Variants in RNF180 observed in about 807,000 individuals in gnomAD.
The protein encoded by RNF180 is E3 ubiquitin-protein ligase RNF180.
A neutral mutation model predicts 59.2 loss-of-function variants in RNF180; 38 were observed. That is an observed-to-expected ratio of 0.64 (90% CI 0.50 to 0.84). The LOEUF (loss-of-function observed/expected upper bound fraction) is 0.84. Among genes scored for constraint, RNF180 ranks in the 40% least tolerant of loss-of-function variants. The pLI is 0.00. For missense variants in RNF180, 705 were observed against 700.9 expected, an observed-to-expected ratio of 1.01 and a Z score of -0.07; for synonymous variants, 262 against 240.3, an observed-to-expected ratio of 1.09 and a Z score of -0.84.
intron 7 of RNF180, among the ~76,000 whole-genome samples, chr5:64,349,685 G>C (rs1280889317): frequency 2.6e-5 from 4 of 152,066 alleles, no homozygotes; most frequent in African/African-American, 9.7e-5. Context: ...AGAACATGCG[G>C]TGTTTGGTTT....
intron 6 of RNF180, 107 bp from the exon 7 acceptor site, chr5:64,330,174 G>A (rs1744837251): frequency 2.6e-6 from 2 of 771,942 alleles, no homozygotes; most frequent in South Asian, 1.8e-5. Flanking sequence ...TTAAAGAGGT[G>A]TGAATTGTAT....
chr5:64,313,544 A>T (rs1203084337), intron 5 of RNF180, among the ~76,000 whole-genome samples: 2 of 152,248 alleles, frequency 1.3e-5, no homozygotes, highest in Non-Finnish European at 2.9e-5. Flanking sequence ...TCCTTTATCC[A>T]GTCTACTATT....
intron 5 of RNF180, among the ~76,000 whole-genome samples, chr5:64,252,629 C>A (rs1273637754): frequency 2.0e-5 from 3 of 152,052 alleles, no homozygotes; most frequent in Non-Finnish European, 4.4e-5. Flanking sequence ...TCAGTTCCAG[C>A]TGTTAAGTAT....
At chr5:64,204,444 C>T (rs1751917223) in intron 2 of RNF180, among the ~76,000 whole-genome samples, 1 of 152,308 alleles carries the variant, frequency 6.6e-6, no homozygotes, top group East Asian at 1.9e-4. Context: ...TGTAATTTCA[C>T]GTCTTCACCA....
chr5:64,245,601 A>C (rs189524178), intron 5 of RNF180, among the ~76,000 whole-genome samples: 87 of 152,354 alleles, frequency 5.7e-4, no homozygotes, highest in Admixed American at 4.2e-3. Flanking sequence ...ATATGGGAGC[A>C]CCAAGATTCA....
chr5:64,263,966 G>C (rs1744510548), intron 5 of RNF180, among the ~76,000 whole-genome samples: 1 of 152,054 alleles, frequency 6.6e-6, no homozygotes, highest in Non-Finnish European at 1.5e-5. Context: ...TTCAAATTTA[G>C]TTTATTCATT....
intron 5 of RNF180, among the ~76,000 whole-genome samples, chr5:64,248,468 G>T (rs1743335430): frequency 6.6e-6 from 1 of 152,190 alleles, no homozygotes; most frequent in South Asian, 2.1e-4. Flanking sequence ...CTTCTCAAAA[G>T]AAGACAACAA....
intron 5 of RNF180, among the ~76,000 whole-genome samples, chr5:64,311,786 G>GT (rs979114157): frequency 6.6e-6 from 1 of 151,806 alleles, no homozygotes; most frequent in African/African-American, 2.4e-5. Flanking sequence ...AAAATTCACC[G>GT]TTCCCCCATT....
intron 5 of RNF180, among the ~76,000 whole-genome samples, chr5:64,288,349 GTTC>G (rs1742398196): frequency 6.6e-6 from 1 of 152,110 alleles, no homozygotes; most frequent in Admixed American, 6.6e-5. Context: ...CTCCAGCTTT[GTTC>G]TTTTTGCTTA....
chr5:64,169,119 G>C (rs1342667656), intron 1 of RNF180, among the ~76,000 whole-genome samples: 1 of 152,150 alleles, frequency 6.6e-6, no homozygotes, highest in East Asian at 1.9e-4. Flanking sequence ...AACTAGTTTG[G>C]TCTTTGAACT....
intron 5 of RNF180, among the ~76,000 whole-genome samples, chr5:64,280,911 T>C (rs534568340): frequency 1.5e-4 from 23 of 152,286 alleles, no homozygotes; most frequent in African/African-American, 5.3e-4. Context: ...TTTAATAACA[T>C]TGATTCTTTG....
chr5:64,224,549 C>T (rs375276267), intron 5 of RNF180, among the ~76,000 whole-genome samples: 1 of 152,060 alleles, frequency 6.6e-6, no homozygotes, highest in Non-Finnish European at 1.5e-5. Context: ...ATTTAATGAG[C>T]TTTATTGTAT....
chr5:64,178,950 T>C (rs1240769643), intron 1 of RNF180, among the ~76,000 whole-genome samples: 1 of 151,924 alleles, frequency 6.6e-6, no homozygotes, highest in African/African-American at 2.4e-5. Flanking sequence ...TCTATTCTTT[T>C]AAAAAAAACC....
intron 5 of RNF180, among the ~76,000 whole-genome samples, chr5:64,304,658 G>A (rs1200270711): frequency 6.6e-6 from 1 of 151,652 alleles, no homozygotes; most frequent in African/African-American, 2.4e-5. Flanking sequence ...TTATGGATAA[G>A]CAATGAAAGT....
chr5:64,345,098 T>C (rs1013110332), intron 7 of RNF180, among the ~76,000 whole-genome samples: 2 of 152,144 alleles, frequency 1.3e-5, no homozygotes, highest in Non-Finnish European at 1.5e-5. Context: ...AACTTAAAAA[T>C]GTATAGCCCC....
intron 6 of RNF180, among the ~76,000 whole-genome samples, chr5:64,330,055 T>A (rs1000756062): frequency 1.3e-5 from 2 of 152,186 alleles, no homozygotes; most frequent in African/African-American, 4.8e-5. Context: ...CTCAGTAGAT[T>A]TATGTTCTAT....
chr5:64,262,199 G>C (rs1744380779), intron 5 of RNF180, among the ~76,000 whole-genome samples: 1 of 151,938 alleles, frequency 6.6e-6, no homozygotes, highest in Admixed American at 6.6e-5. Flanking sequence ...AAGATTAAAG[G>C]GGTAAATAAT....
chr5:64,330,439 G>C (rs1297295991), intron 7 of RNF180, 33 bp downstream of exon 7: 1 of 1,522,234 alleles, frequency 6.6e-7, no homozygotes, highest in African/African-American at 1.4e-5. Flanking sequence ...AAAAAGTCTG[G>C]TAATTTTGTC....
intron 5 of RNF180, among the ~76,000 whole-genome samples, chr5:64,271,307 G>A (rs1741385454): frequency 6.6e-6 from 1 of 151,948 alleles, no homozygotes; most frequent in African/African-American, 2.4e-5. Context: ...ACAGGTATAT[G>A]TTGCTATTGA....
Sources: allele counts gnomAD v4.1 joint callset (sites outside exome capture counted in the v4.1 genomes callset), GRCh38; gene constraint gnomAD v4.1.1; transcripts MANE v1.5; gene names NCBI Gene and HGNC (gene_info 2026-07-23, HGNC 2026-07-21).